Variants in VWA8 observed in about 807,000 individuals in gnomAD.
VWA8 encodes von Willebrand factor A domain-containing protein 8.
A neutral mutation model predicts 241.5 loss-of-function variants in VWA8; 221 were observed. That is an observed-to-expected ratio of 0.91 (90% CI 0.82 to 1.02). The LOEUF (loss-of-function observed/expected upper bound fraction) is 1.02, where lower values mean the gene tolerates loss of function less well. Ranked by LOEUF, VWA8 falls within the 50% of genes least tolerant of loss-of-function variation. VWA8 has a pLI of 0.00. For synonymous variants in VWA8, 852 were observed against 827.1 expected, an observed-to-expected ratio of 1.03 and a Z score of -0.52; for missense variants, 2,322 against 2,328.7, an observed-to-expected ratio of 1.00 and a Z score of 0.06.
intron 37 of VWA8, among the ~76,000 whole-genome samples, chr13:41,645,678 G>A (rs2044827206): frequency 6.6e-6 from 1 of 152,124 alleles, no homozygotes; most frequent in African/African-American, 2.4e-5. Flanking sequence ...TGAAAGACTT[G>A]AGAGAAATGG....
In VWA8 at chr13:41,670,681, A is replaced by G. The variant is rs546663403; in HGVS notation, c.4611+265T>C. On this transcript the variant is annotated intron_variant, in intron 37 of 44. Coordinates refer to ENST00000379310, the MANE Select transcript of VWA8 (RefSeq NM_015058.2). The stretch of plus-strand genomic sequence containing the variant: ...GGTTAGAGCTTAAGGTTAAAAAACT[A>G]AAAGCTGCTGATTGTATTCATATGG... Among the ~76,000 whole-genome samples, 9 of 152,310 alleles carry G rather than the reference A, an allele frequency of 5.9e-5. 1 individual carries two copies. The South Asian group carries it at 1.7e-3, about 28-fold the overall frequency.
At chr13:41,642,646 T>C (rs1449579648) in intron 37 of VWA8, among the ~76,000 whole-genome samples, 1 of 151,972 alleles carries the variant, frequency 6.6e-6, no homozygotes, top group East Asian at 1.9e-4. Flanking sequence ...TCCAAACTTT[T>C]GACCAGGCGT....
intron 2 of VWA8, among the ~76,000 whole-genome samples, chr13:41,947,363 A>T (rs1419730013): frequency 6.6e-6 from 1 of 152,256 alleles, no homozygotes. Flanking sequence ...GACTAAGATT[A>T]GATCAAGAAA....
intron 37 of VWA8, among the ~76,000 whole-genome samples, chr13:41,665,960 G>A (rs2044983109): frequency 6.6e-6 from 1 of 151,938 alleles, no homozygotes; most frequent in African/African-American, 2.4e-5. Flanking sequence ...ATTTATAGGG[G>A]TATCATTCTT....
intron 6 of VWA8, 126 bp from the exon 7 acceptor site, chr13:41,886,956 A>G (rs1457396293): frequency 4.6e-6 from 4 of 871,440 alleles, no homozygotes; most frequent in Non-Finnish European, 5.1e-6. Flanking sequence ...GCAAAAAATC[A>G]TTTATTGATA....
chr13:41,855,221 C>A lies in VWA8; in HGVS notation c.1425+10515G>T, dbSNP rs547759051. ...GACAAATTCATTGAGAAGGGCTGAG[C>A]ACCAGAAATAAAGCTACTGTAGCCC... On this transcript the variant is annotated intron_variant, in intron 12 of 44. Coordinates refer to ENST00000379310, the MANE Select transcript of VWA8 (RefSeq NM_015058.2). Among the ~76,000 whole-genome samples, 940 of 151,150 alleles carry A rather than the reference C, an allele frequency of 6.2e-3. 8 individuals carry two copies. The highest frequency in any genetic ancestry group is 0.022 in the African/African-American group (899 of 41,216).
intron 42 of VWA8, among the ~76,000 whole-genome samples, chr13:41,576,522 G>C (rs1358620042): frequency 2.0e-5 from 3 of 152,198 alleles, no homozygotes; most frequent in African/African-American, 7.2e-5. Flanking sequence ...GGTTGAAATT[G>C]TTATGCAAAA....
At chr13:41,818,210 G>A (rs934140899) in intron 15 of VWA8, among the ~76,000 whole-genome samples, 4 of 149,616 alleles carry the variant, frequency 2.7e-5, no homozygotes, top group Non-Finnish European at 5.9e-5. Context: ...TGATCTGCCC[G>A]CCTTGGCCTC....
intron 26 of VWA8, among the ~76,000 whole-genome samples, chr13:41,718,512 A>C (rs1490411380): frequency 6.6e-6 from 1 of 151,916 alleles, no homozygotes; most frequent in Non-Finnish European, 1.5e-5. Context: ...ATATAAACCA[A>C]TGCACGGATA....
chr13:41,602,525 A>T (rs1482300907), intron 40 of VWA8, among the ~76,000 whole-genome samples: 2 of 152,164 alleles, frequency 1.3e-5, no homozygotes, highest in African/African-American at 4.8e-5. Flanking sequence ...CATCTATCAA[A>T]TGTAGAAAAT....
chr13:41,598,726 C>T (rs953559001), intron 40 of VWA8, among the ~76,000 whole-genome samples: 3 of 152,070 alleles, frequency 2.0e-5, no homozygotes, highest in African/African-American at 7.2e-5. Flanking sequence ...GACCTTGTTC[C>T]ACTATCCTGT....
intron 18 of VWA8, among the ~76,000 whole-genome samples, chr13:41,784,729 T>TATATATATATACAC (rs772522331): frequency 6.7e-5 from 4 of 60,078 alleles, no homozygotes; most frequent in South Asian, 5.2e-4. Context: ...TATATATATA[T>TATATATATATACAC]ACACACACAT....
Position 41,864,184 on chromosome 13 carries a change from T to C in VWA8, c.1425+1552A>G, listed in dbSNP as rs563618170. ...AGAAAGAAAAGTGTTAGGGAGGATG[T>C]AGAATAATTGGAACCATTGTGCATT... On this transcript the variant is annotated intron_variant, in intron 12 of 44. Coordinates refer to ENST00000379310, the MANE Select transcript of VWA8 (RefSeq NM_015058.2). Among the ~76,000 whole-genome samples the C allele has an allele frequency of 2.6e-5, 4 of 151,410 alleles. No homozygotes were observed. In the South Asian group the frequency reaches 8.4e-4, roughly 32 times the overall value.
intron 2 of VWA8, among the ~76,000 whole-genome samples, chr13:41,935,496 GATGTAT>G (rs1425756594): frequency 6.6e-6 from 1 of 152,038 alleles, no homozygotes; most frequent in African/African-American, 2.4e-5. Flanking sequence ...ACTTATAATA[GATGTAT>G]ATGTTAATAA....
At chr13:41,958,269 C>T (rs917989248) in intron 1 of VWA8, among the ~76,000 whole-genome samples, 2 of 152,170 alleles carry the variant, frequency 1.3e-5, no homozygotes, top group Admixed American at 1.3e-4. Flanking sequence ...TCTCCTGCTC[C>T]TTCTCTGTAT....
chr13:41,573,484 A>AAAAT (rs1555303580), intron 43 of VWA8, among the ~76,000 whole-genome samples: 1 of 117,028 alleles, frequency 8.5e-6, no homozygotes, highest in South Asian at 2.9e-4. Context: ...TAAAAAAAAA[A>AAAAT]AAATATATAT....
At chr13:41,951,333 C>T (rs1022271106) in intron 1 of VWA8, among the ~76,000 whole-genome samples, 1 of 152,160 alleles carries the variant, frequency 6.6e-6, no homozygotes, top group Non-Finnish European at 1.5e-5. Context: ...AGGAGAATCG[C>T]TTAAAGCCAG....
chr13:41,879,184 T>A (rs2138068153), intron 9 of VWA8, among the ~76,000 whole-genome samples: 1 of 152,298 alleles, frequency 6.6e-6, no homozygotes, highest in East Asian at 1.9e-4. Flanking sequence ...GTTCCGGTTC[T>A]CTTTTTCCCC....
chr13:41,816,534 C>T (rs1870701108), intron 16 of VWA8, among the ~76,000 whole-genome samples, 164 bp downstream of exon 16: 1 of 152,136 alleles, frequency 6.6e-6, no homozygotes. Flanking sequence ...GTTAAAATCA[C>T]TGAAATCGGA....
Sources: gnomAD v4.1 joint callset for allele counts (sites outside exome capture counted in the v4.1 genomes callset) on GRCh38, gnomAD v4.1.1 for gene constraint, MANE v1.5 for transcripts, NCBI Gene and HGNC (gene_info 2026-07-23, HGNC 2026-07-21) for gene names.